The following FER1L6 variants were observed in gnomAD, a reference collection of about 807,000 sequenced individuals.
FER1L6 encodes the protein fer-1 like family member 6.
A neutral mutation model predicts 219.2 loss-of-function variants in FER1L6; 177 were observed. The ratio of observed to expected loss-of-function variants is 0.81; its 90% CI spans 0.71 to 0.91. The LOEUF is 0.91. Ranked by LOEUF, FER1L6 falls within the 40% of genes least tolerant of loss-of-function variation. The pLI, the probability that FER1L6 is intolerant of heterozygous loss-of-function variation, is 0.00. For synonymous variants in FER1L6, 768 were observed against 824.3 expected (o/e 0.93, Z 1.17); for missense variants, 2,153 against 2,259.9 (o/e 0.95, Z 0.96).
At position 123,952,527 on chromosome 8, in the gene FER1L6, A is replaced by T. The variant is rs866649721; in HGVS notation, c.-7-3465A>T. ...TTATCTTGGGGATGACCCTGGGAGG[A>T]TATTATGATCCTAAACCAGAAAGCC... On this transcript the variant is annotated intron_variant, in intron 1 of 40. Transcript: ENST00000522917. Among the ~76,000 whole-genome samples the T allele has an allele frequency of 1.9e-4, 29 of 152,188 alleles. 1 individual carries two copies. The highest frequency in any genetic ancestry group is 3.4e-3 in the Middle Eastern group (1 of 294).
chr8:123,939,722 G>A (rs190025037), intron 1 of FER1L6, among the ~76,000 whole-genome samples: 7 of 152,094 alleles, frequency 4.6e-5, no homozygotes, highest in African/African-American at 1.7e-4. Flanking sequence ...TGCAGTGACC[G>A]GCAGGAAGAC....
chr8:123,915,335 G>A (rs1813153217), intron 1 of FER1L6, among the ~76,000 whole-genome samples: 1 of 152,080 alleles, frequency 6.6e-6, no homozygotes, highest in African/African-American at 2.4e-5. Flanking sequence ...TGGTTCAGGG[G>A]TGGCCTTGGC....
At chr8:124,006,508 A>G (rs1395251700) in intron 13 of FER1L6, among the ~76,000 whole-genome samples, 3 of 152,214 alleles carry the variant, frequency 2.0e-5, no homozygotes, top group Non-Finnish European at 4.4e-5. Context: ...GTGCACATAT[A>G]TGCATGCATG....
chr8:124,042,896 T>A (rs568835647), intron 20 of FER1L6, among the ~76,000 whole-genome samples: 1 of 152,118 alleles, frequency 6.6e-6, no homozygotes, highest in Non-Finnish European at 1.5e-5. Context: ...AATCTTGTGA[T>A]TGAAATACAA....
At chr8:123,863,071 CAG>C (rs1816772865) in intron 1 of FER1L6, among the ~76,000 whole-genome samples, 1 of 135,374 alleles carries the variant, frequency 7.4e-6, no homozygotes, top group Non-Finnish European at 1.5e-5. Flanking sequence ...ATTGTGATGT[CAG>C]GGTGTCAATT....
chr8:123,875,557 A>C (rs935545979), intron 1 of FER1L6, among the ~76,000 whole-genome samples: 6 of 152,116 alleles, frequency 3.9e-5, no homozygotes, highest in Non-Finnish European at 5.9e-5. Flanking sequence ...TTCCAATTTT[A>C]TATCTGTACC....
rs746813036 is a variant in FER1L6 at position 123,853,344 on chromosome 8, G to A, written c.-8+1159G>A. Among the ~76,000 whole-genome samples the A allele has an allele frequency of 1.2e-4, 19 of 152,026 alleles. No individual in the cohort carries two copies. Among genetic ancestry groups the A allele is most frequent in the Non-Finnish European group, 1.8e-4 (12 of 68,022 alleles). On this transcript the variant is annotated intron_variant, in intron 1 of 40. Coordinates refer to ENST00000522917, the MANE Select transcript of FER1L6 (RefSeq NM_001039112.2). This position sits in a 1 kb window ranked among gnomAD's most constrained non-coding sequence, Gnocchi z 6.6. ...TAATTTCTGTATTTTTAGAGAAGAC[G>A]GGGTTTCACCATGACGGCCAGGATG... is the stretch of plus-strand genomic sequence containing the variant.
At chr8:123,993,374 G>A (rs1021412407) in intron 12 of FER1L6, among the ~76,000 whole-genome samples, 6 of 150,030 alleles carry the variant, frequency 4.0e-5, no homozygotes, top group African/African-American at 1.5e-4. Flanking sequence ...CCCGGGAGGC[G>A]GAGCTTGCAG....
At chr8:124,113,562 G>GC (rs1823107505) in intron 39 of FER1L6, among the ~76,000 whole-genome samples, 1 of 152,014 alleles carries the variant, frequency 6.6e-6, no homozygotes, top group African/African-American at 2.4e-5. Context: ...ATGCCCTATT[G>GC]CCCCCAAAAT....
intron 16 of FER1L6, among the ~76,000 whole-genome samples, chr8:124,019,753 A>G (rs887942916): frequency 6.6e-6 from 1 of 152,256 alleles, no homozygotes; most frequent in African/African-American, 2.4e-5. Context: ...TTACACATTA[A>G]TGATTAAGAC....
chr8:123,898,993 T>C (rs1812812761), intron 1 of FER1L6, among the ~76,000 whole-genome samples: 1 of 151,910 alleles, frequency 6.6e-6, no homozygotes, highest in African/African-American at 2.4e-5. Context: ...TTGCGTATAA[T>C]GACGTCTTTT....
intron 39 of FER1L6, among the ~76,000 whole-genome samples, chr8:124,104,932 C>T (rs1451073245): frequency 2.0e-5 from 3 of 152,132 alleles, no homozygotes; most frequent in African/African-American, 7.2e-5. Flanking sequence ...GACAAGGTCT[C>T]TGTTATCATA....
chr8:124,014,497 T>A (rs1227101849), intron 15 of FER1L6: 1 of 152,806 alleles, frequency 6.5e-6, no homozygotes, highest in Non-Finnish European at 1.5e-5. Flanking sequence ...ACATTTAAGC[T>A]TTCTTAGTCT....
At chr8:124,098,265 T>C (rs1255082377) in intron 37 of FER1L6, among the ~76,000 whole-genome samples, 1 of 152,186 alleles carries the variant, frequency 6.6e-6, no homozygotes, top group East Asian at 1.9e-4. Context: ...AATTTAGACC[T>C]TCCTGTTTGC....
chr8:124,095,914 T>C (rs970974408), intron 35 of FER1L6, among the ~76,000 whole-genome samples: 5 of 152,220 alleles, frequency 3.3e-5, no homozygotes, highest in African/African-American at 7.2e-5. Flanking sequence ...TGAGTAGTAG[T>C]AGAGATGGAA....
chr8:124,010,755 G>C (rs1415873658), intron 14 of FER1L6, 41 bp downstream of exon 14: 1 of 1,604,762 alleles, frequency 6.2e-7, no homozygotes, highest in Non-Finnish European at 8.5e-7. Context: ...GAATTGGGAA[G>C]CTGGTGGGGG....
At chr8:123,860,001 T>C (rs1441824756) in intron 1 of FER1L6, among the ~76,000 whole-genome samples, 1 of 146,872 alleles carries the variant, frequency 6.8e-6, no homozygotes, top group Non-Finnish European at 1.5e-5. Context: ...TAATTATACT[T>C]TAAGTTTTAG....
At chr8:123,883,753 A>G (rs1416020135) in intron 1 of FER1L6, among the ~76,000 whole-genome samples, 1 of 152,170 alleles carries the variant, frequency 6.6e-6, no homozygotes, top group African/African-American at 2.4e-5. Context: ...TGCGTCCTCC[A>G]GAGGGGATGA....
chr8:124,105,793 ATCC>A (rs1160714079), intron 39 of FER1L6, among the ~76,000 whole-genome samples: 1 of 152,190 alleles, frequency 6.6e-6, no homozygotes, highest in African/African-American at 2.4e-5. Context: ...AATGTAGTAT[ATCC>A]ATACAGTGGA....
Sources: allele counts gnomAD v4.1 joint callset (sites outside exome capture counted in the v4.1 genomes callset), GRCh38; gene constraint gnomAD v4.1.1; non-coding constraint Gnocchi (gnomAD v3.1); transcripts MANE v1.5; gene names NCBI Gene and HGNC (gene_info 2026-07-23, HGNC 2026-07-21).